MOV10: variants seen among roughly 807,000 people sequenced by gnomAD.
MOV10 encodes RNA helicase MOV-10.
Under a neutral mutation model 108.4 loss-of-function variants are expected in MOV10, and 39 were observed. The ratio of observed to expected loss-of-function variants is 0.36; its 90% CI spans 0.28 to 0.47. The LOEUF (loss-of-function observed/expected upper bound fraction) is 0.47, where lower values mean the gene tolerates loss of function less well. Among genes scored for constraint, MOV10 ranks in the 20% least tolerant of loss-of-function variants. MOV10 has a pLI of 1.00. For synonymous variants in MOV10, 490 were observed against 523.1 expected, an observed-to-expected ratio of 0.94 and a Z score of 0.86; for missense variants, 952 against 1,297.6, an observed-to-expected ratio of 0.73 and a Z score of 4.09.
chr1:112,695,996 C>G (rs1164869295), intron 11 of MOV10, 152 bp from the exon 12 acceptor site: 1 of 649,358 alleles, frequency 1.5e-6, no homozygotes, highest in Non-Finnish European at 2.7e-6. Context: ...GGGCCAAGAT[C>G]ACACCATGGC....
Position 112,674,983 on chromosome 1 carries a change from G to C in MOV10, c.71G>C (p.Arg24Pro). Reference sequence around the variant, plus strand: ...TGTTTCGAGAGTTTCCTGGTCGTTCGGGGACTGGACATGGAGACAGATCGC... The same window carrying C: ...TGTTTCGAGAGTTTCCTGGTCGTTCCGGGACTGGACATGGAGACAGATCGC... ...GQCFESFLVV[R>P]GLDMETDRER... Residue 24 changes from arginine to proline, a missense_variant, in exon 2 of 21, where the codon CGG (arginine) becomes CCG (proline). Arg to Pro is a moderately radical substitution (Grantham distance 103). Transcript: ENST00000369645. The C allele has an allele frequency of 6.3e-7, 1 of 1,583,004 alleles. No individual in the cohort carries two copies. The highest frequency in any genetic ancestry group is 8.6e-7 in the Non-Finnish European group (1 of 1,165,742).
intron 20 of MOV10, 25 bp from the exon 21 acceptor site, chr1:112,700,391 C>T: frequency 6.2e-7 from 1 of 1,613,788 alleles, no homozygotes; most frequent in Non-Finnish European, 8.5e-7. Context: ...GTAAGGAAGA[C>T]ACAGTGTACT....
chr1:112,700,118 A>G (rs1174591005), intron 19 of MOV10, 101 bp from the exon 20 acceptor site: 10 of 1,592,936 alleles, frequency 6.3e-6, no homozygotes, highest in Non-Finnish European at 8.6e-6. Flanking sequence ...TATTGTATTT[A>G]TAAGTTAAAT....
At chr1:112,698,168 G>T (rs12133583) in intron 15 of MOV10, 57 bp downstream of exon 15, 365,435 of 1,594,880 alleles carry the variant, frequency 0.23, 46,625 homozygotes, top group East Asian at 0.57. Context: ...CCCACTGAAG[G>T]TGCAGCCCCT....
intron 2 of MOV10, among the ~76,000 whole-genome samples, chr1:112,682,833 A>C (rs151041767): frequency 1.3e-3 from 191 of 152,140 alleles, no homozygotes; most frequent in African/African-American, 4.3e-3. Context: ...CATTGTATGA[A>C]TCCAAATCAC....
At chr1:112,699,301 A>G in intron 17 of MOV10, 1 of 292,322 alleles carries the variant, frequency 3.4e-6, no homozygotes, top group Non-Finnish European at 5.9e-6. Context: ...CTGCTCTAAG[A>G]CTTACAGGCC....
chr1:112,696,910 A>C, intron 14 of MOV10, 64 bp downstream of exon 14: 11 of 1,315,056 alleles, frequency 8.4e-6, no homozygotes, highest in Non-Finnish European at 1.2e-5. Context: ...TGCAGACCCC[A>C]CTGGAGAGTC....
In MOV10 at chr1:112,694,268, G is replaced by C. The variant is rs892875134; in HGVS notation, c.1295+96G>C. The C allele has an allele frequency of 9.2e-6, 14 of 1,515,288 alleles. No individual in the cohort carries two copies. The East Asian group carries it at 1.4e-4, about 15-fold the overall frequency. 93.9% of individuals were successfully genotyped at this position (1,515,288 alleles called of 1,614,324 possible). A position where few individuals can be genotyped will look rare whatever the true frequency, so the allele number is the denominator to read the frequency against. ...TTCTCCCTGAGATAAATGAGACCCC[G>C]GGGCAGAGCAGGAGACTTTTCCTCA... is the stretch of plus-strand genomic sequence containing the variant. On this transcript the variant is annotated intron_variant, in intron 8 of 20. Coordinates refer to ENST00000369645, the MANE Select transcript of MOV10 (RefSeq NM_001321324.2). The surrounding 1 kb of genome is among the most constrained non-coding windows in gnomAD (Gnocchi z 4.1).
intron 2 of MOV10, among the ~76,000 whole-genome samples, chr1:112,686,770 C>T (rs1285468365): frequency 6.6e-6 from 1 of 152,216 alleles, no homozygotes; most frequent in Non-Finnish European, 1.5e-5. Flanking sequence ...ATTTGGGGAT[C>T]CTAGACTCAT....
intron 16 of MOV10, 42 bp from the exon 17 acceptor site, chr1:112,698,673 G>C: frequency 1.3e-6 from 2 of 1,590,804 alleles, no homozygotes; most frequent in Middle Eastern, 1.7e-4. Flanking sequence ...TCTTGCATTA[G>C]GTTAATGGCA....
intron 11 of MOV10, 141 bp downstream of exon 11, chr1:112,695,715 C>G (rs1674009760): frequency 6.7e-6 from 6 of 892,420 alleles, no homozygotes; most frequent in Non-Finnish European, 9.9e-6. Context: ...CTCCCTGGGC[C>G]TCAGTTTGTC....
At chr1:112,679,631 G>A (rs1428620181) in intron 2 of MOV10, among the ~76,000 whole-genome samples, 2 of 151,982 alleles carry the variant, frequency 1.3e-5, no homozygotes, top group Non-Finnish European at 2.9e-5. Flanking sequence ...AGGGAGAACA[G>A]TTAACTGGAA....
At chr1:112,688,492 GGCT>G in intron 2 of MOV10, 1 of 1,071,174 alleles carries the variant, frequency 9.3e-7, no homozygotes, top group South Asian at 3.0e-5. Flanking sequence ...CTCACCAACA[GGCT>G]GGACCCCACA....
chr1:112,695,746 A>G (rs1209302775), intron 11 of MOV10, among the ~76,000 whole-genome samples, 172 bp downstream of exon 11: 2 of 147,996 alleles, frequency 1.4e-5, no homozygotes, highest in Non-Finnish European at 3.0e-5. Context: ...GGGGGTGGAT[A>G]AAACATTTGG....
chr1:112,696,347 G>A (rs1285823123), intron 12 of MOV10, 90 bp from the exon 13 acceptor site: 1 of 1,413,980 alleles, frequency 7.1e-7, no homozygotes. Context: ...GGAGTGGGGT[G>A]GTGGGTGCTG....
At chr1:112,676,246 C>CA (rs1012827149) in intron 2 of MOV10, among the ~76,000 whole-genome samples, 14 of 152,122 alleles carry the variant, frequency 9.2e-5, no homozygotes, top group African/African-American at 2.2e-4. Context: ...GATATGCATG[C>CA]AATATACATG....
chr1:112,685,374 C>T (rs1409918755), intron 2 of MOV10, among the ~76,000 whole-genome samples: 2 of 151,526 alleles, frequency 1.3e-5, no homozygotes, highest in Non-Finnish European at 2.9e-5. Context: ...TAGGGGATTA[C>T]GGCCGGGCAC....
At position 112,694,472 on chromosome 1, in the gene MOV10, G is replaced by C; in HGVS notation, c.1315G>C (p.Asp439His). Residue 439 changes from aspartate to histidine, a missense_variant, in exon 9 of 21, where the codon GAT becomes CAT. Asp to His is a moderately conservative substitution (Grantham distance 81). This residue lies in a region of MOV10 where 453 missense variants were observed against 611.5 expected (regional missense o/e 0.74). Transcript: ENST00000369645. This position sits in a 1 kb window ranked among gnomAD's most constrained non-coding sequence, Gnocchi z 4.1. Reference protein sequence around the residue: ...FSMSLLSRFVDGLTFKVNFTF... With the variant: ...FSMSLLSRFVHGLTFKVNFTF... ...CCAAAGCCTCCTGAGCCGCTTTGTG[G>C]ATGGGCTGACCTTCAAGGTGAACTT... 6.2e-7 allele frequency: 1 copy of C among 1,614,086 alleles called. No homozygotes were observed. The highest frequency in any genetic ancestry group is 8.5e-7 in the Non-Finnish European group (1 of 1,180,044).
chr1:112,678,269 T>C (rs960231745), intron 2 of MOV10, among the ~76,000 whole-genome samples: 1 of 152,010 alleles, frequency 6.6e-6, no homozygotes. Flanking sequence ...TGATTAGGAG[T>C]CCATTGTATG....
Sources: allele counts gnomAD v4.1 joint callset (sites outside exome capture counted in the v4.1 genomes callset), GRCh38; gene constraint gnomAD v4.1.1; regional missense constraint gnomAD v4.1.1; non-coding constraint Gnocchi (gnomAD v3.1); transcripts MANE v1.5; gene names NCBI Gene and HGNC (gene_info 2026-07-23, HGNC 2026-07-21).